PTPRK: variants seen among roughly 807,000 people sequenced by gnomAD.
PTPRK encodes receptor-type tyrosine-protein phosphatase kappa.
PTPRK carries 75 observed loss-of-function variants against 178.0 expected under a neutral mutation model. The observed-to-expected ratio is 0.42, with a 90% CI of 0.35 to 0.51. The LOEUF (loss-of-function observed/expected upper bound fraction) is 0.51, where lower values mean the gene tolerates loss of function less well. Ranked by LOEUF, PTPRK falls within the 20% of genes least tolerant of loss-of-function variation. The pLI is 0.02. For synonymous variants in PTPRK, 637 were observed against 620.6 expected, an observed-to-expected ratio of 1.03 and a Z score of -0.39; for missense variants, 1,441 against 1,797.8, an observed-to-expected ratio of 0.80 and a Z score of 3.59.
chr6:128,162,134 T>A (rs1291082930), intron 7 of PTPRK, among the ~76,000 whole-genome samples: 1 of 151,622 alleles, frequency 6.6e-6, no homozygotes, highest in Non-Finnish European at 1.5e-5. Flanking sequence ...TACAACCTAA[T>A]GAGGATACTA....
intron 6 of PTPRK, among the ~76,000 whole-genome samples, chr6:128,194,390 A>G (rs1235175684): frequency 6.6e-6 from 1 of 152,090 alleles, no homozygotes; most frequent in African/African-American, 2.4e-5. Context: ...CCGGCCAATT[A>G]TAGCAATAAT....
intron 1 of PTPRK, among the ~76,000 whole-genome samples, chr6:128,470,749 C>CTTTTTT (rs11361160): frequency 1.8e-5 from 2 of 114,218 alleles, no homozygotes; most frequent in Non-Finnish European, 3.5e-5. Context: ...ATATCTCTCT[C>CTTTTTT]TTTTTTTTTT....
intron 13 of PTPRK, among the ~76,000 whole-genome samples, chr6:128,051,387 A>G (rs1305625987): frequency 1.3e-5 from 2 of 152,190 alleles, no homozygotes; most frequent in Admixed American, 1.3e-4. Context: ...AGTTCATGCT[A>G]AAGTCTTGCT....
chr6:128,098,443 AAT>A (rs1163365687), intron 7 of PTPRK, among the ~76,000 whole-genome samples: 2 of 152,210 alleles, frequency 1.3e-5, no homozygotes, highest in Middle Eastern at 3.4e-3. Flanking sequence ...CCTCTTCTAG[AAT>A]ATGAGATACA....
chr6:128,249,741 C>G (rs2128288484), intron 3 of PTPRK, among the ~76,000 whole-genome samples: 1 of 152,142 alleles, frequency 6.6e-6, no homozygotes, highest in East Asian at 1.9e-4. Flanking sequence ...GAGAGAGCAA[C>G]TCTAAATTAT....
intron 3 of PTPRK, among the ~76,000 whole-genome samples, chr6:128,297,065 G>A (rs1472887510): frequency 6.6e-6 from 1 of 151,018 alleles, no homozygotes; most frequent in Admixed American, 6.6e-5. Flanking sequence ...AAAAGGCAGG[G>A]GTTGCAATCC....
chr6:128,327,702 AAG>A (rs1476669010), intron 2 of PTPRK, among the ~76,000 whole-genome samples: 1 of 152,242 alleles, frequency 6.6e-6, no homozygotes, highest in Non-Finnish European at 1.5e-5. Context: ...GTCCAATCAG[AAG>A]AGAGAAGCCA....
intron 3 of PTPRK, among the ~76,000 whole-genome samples, chr6:128,298,458 C>G (rs535540747): frequency 6.6e-6 from 1 of 150,774 alleles, no homozygotes; most frequent in Admixed American, 6.6e-5. Flanking sequence ...AACATTGATG[C>G]AAAAATCCTC....
chr6:128,314,031 A>G (rs1352102937), intron 3 of PTPRK, among the ~76,000 whole-genome samples: 1 of 152,002 alleles, frequency 6.6e-6, no homozygotes, highest in African/African-American at 2.4e-5. Context: ...GTCCCTCTGC[A>G]ATGCCAATTT....
chr6:128,224,117 T>C (rs1182966609), intron 5 of PTPRK, among the ~76,000 whole-genome samples: 1 of 152,196 alleles, frequency 6.6e-6, no homozygotes, highest in Non-Finnish European at 1.5e-5. Flanking sequence ...GATTTCTCCA[T>C]TGCAAATGTA....
intron 13 of PTPRK, among the ~76,000 whole-genome samples, chr6:128,013,606 T>C (rs1779281878): frequency 6.6e-6 from 1 of 151,486 alleles, no homozygotes; most frequent in African/African-American, 2.4e-5. Context: ...TCCTCCACTT[T>C]CCTTATCTCT....
chr6:128,194,495 T>C (rs1449083079), intron 6 of PTPRK, among the ~76,000 whole-genome samples: 1 of 152,200 alleles, frequency 6.6e-6, no homozygotes, highest in Non-Finnish European at 1.5e-5. Context: ...GAATGACTCA[T>C]AAGCTAATAA....
intron 1 of PTPRK, among the ~76,000 whole-genome samples, chr6:128,495,709 T>TA (rs1389823243): frequency 2.0e-5 from 3 of 152,204 alleles, no homozygotes; most frequent in Non-Finnish European, 4.4e-5. Flanking sequence ...GGGCGATACT[T>TA]ATGAAAATTT....
In PTPRK at chr6:127,985,878, G is replaced by A; in HGVS notation, c.3097-3C>T. On this transcript the variant is annotated splice_polypyrimidine_tract_variant and splice_region_variant and intron_variant, in intron 21 of 29. Transcript: ENST00000368226. ...TCACGGATTTCATTGTACCCCCTCT[G>A]TGCAAAGATGGAAAGAAATGTTTTC... 6.2e-7 allele frequency: 1 copy of A among 1,600,478 alleles called. No homozygotes were observed. Among genetic ancestry groups the A allele is most frequent in the Non-Finnish European group, 8.5e-7 (1 of 1,170,150 alleles).
intron 3 of PTPRK, among the ~76,000 whole-genome samples, chr6:128,314,085 T>C (rs573883610): frequency 1.3e-5 from 2 of 152,268 alleles, no homozygotes; most frequent in South Asian, 4.1e-4. Context: ...CTCTAAGGTA[T>C]TTCCCCTGAT....
At chr6:128,282,905 G>A (rs1376541571) in intron 3 of PTPRK, among the ~76,000 whole-genome samples, 1 of 152,162 alleles carries the variant, frequency 6.6e-6, no homozygotes, top group Non-Finnish European at 1.5e-5. Context: ...CGGAATGGTA[G>A]TTGGGATGAA....
chr6:128,082,013 T>C (rs957515461), intron 10 of PTPRK, among the ~76,000 whole-genome samples: 6 of 152,030 alleles, frequency 3.9e-5, no homozygotes, highest in Admixed American at 3.9e-4. Flanking sequence ...ATTATCATAA[T>C]GTCAGGGAAA....
At chr6:128,455,947 T>C (rs947202917) in intron 1 of PTPRK, among the ~76,000 whole-genome samples, 1 of 152,088 alleles carries the variant, frequency 6.6e-6, no homozygotes, top group Non-Finnish European at 1.5e-5. Flanking sequence ...CTAAGAGCCA[T>C]ATAATCTACA....
intron 6 of PTPRK, among the ~76,000 whole-genome samples, chr6:128,185,569 A>G (rs1802619189): frequency 6.6e-6 from 1 of 152,168 alleles, no homozygotes; most frequent in African/African-American, 2.4e-5. Flanking sequence ...ATAATAACTC[A>G]TAAAGTTCTT....
Sources: allele counts gnomAD v4.1 joint callset (sites outside exome capture counted in the v4.1 genomes callset), GRCh38; gene constraint gnomAD v4.1.1; transcripts MANE v1.5; gene names NCBI Gene and HGNC (gene_info 2026-07-23, HGNC 2026-07-21).